Variants in DLGAP2 observed in about 807,000 individuals in gnomAD.
The protein encoded by DLGAP2 is disks large-associated protein 2.
DLGAP2 carries 26 observed loss-of-function variants against 100.3 expected under a neutral mutation model. That is an observed-to-expected ratio of 0.26 (90% confidence interval 0.19 to 0.36). The LOEUF is 0.36. Among genes scored for constraint, DLGAP2 ranks in the 10% least tolerant of loss-of-function variants. The pLI is 1.00. For synonymous variants in DLGAP2, 886 were observed against 630.1 expected, an observed-to-expected ratio of 1.41 and a Z score of -6.08; for missense variants, 1,858 against 1,453.2, an observed-to-expected ratio of 1.28 and a Z score of -4.53.
chr8:1,615,662 A>G (rs755938818), intron 6 of DLGAP2, among the ~76,000 whole-genome samples: 6 of 151,438 alleles, frequency 4.0e-5, no homozygotes, highest in Non-Finnish European at 8.8e-5. Flanking sequence ...TGAATGATAT[A>G]AAAATGTTAG....
chr8:1,379,962 G>T (rs1211265769), intron 3 of DLGAP2, among the ~76,000 whole-genome samples: 1 of 151,360 alleles, frequency 6.6e-6, no homozygotes, highest in Non-Finnish European at 1.5e-5. Context: ...CTCGGTGGGG[G>T]CCTGCTCTTT....
intron 2 of DLGAP2, among the ~76,000 whole-genome samples, chr8:1,025,203 A>G (rs2129026043): frequency 6.6e-6 from 1 of 152,218 alleles, no homozygotes; most frequent in East Asian, 1.9e-4. Context: ...TTGCCCTAGA[A>G]CATTCTTAAA....
intron 3 of DLGAP2, among the ~76,000 whole-genome samples, chr8:1,407,613 AGAGT>A (rs1796603714): frequency 1.4e-4 from 7 of 51,578 alleles, no homozygotes; most frequent in South Asian, 1.8e-3. Context: ...CTCATCCTCC[AGAGT>A]CGTGTATTGA....
intron 2 of DLGAP2, among the ~76,000 whole-genome samples, chr8:1,171,676 A>G (rs528390643): frequency 3.3e-5 from 5 of 152,154 alleles, no homozygotes; most frequent in Admixed American, 2.0e-4. Flanking sequence ...TTGGTTTAAA[A>G]TCTGTTTTAT....
At chr8:808,260 T>G (rs975951514) in intron 1 of DLGAP2, among the ~76,000 whole-genome samples, 1 of 152,188 alleles carries the variant, frequency 6.6e-6, no homozygotes, top group Non-Finnish European at 1.5e-5. Flanking sequence ...TACATGTGCA[T>G]GTAGCGGTGT....
chr8:907,256 G>A (rs1287449911), intron 1 of DLGAP2, among the ~76,000 whole-genome samples: 1 of 152,196 alleles, frequency 6.6e-6, no homozygotes, highest in Non-Finnish European at 1.5e-5. Context: ...CTCTAATTGA[G>A]TTTAGAAAAA....
intron 3 of DLGAP2, among the ~76,000 whole-genome samples, chr8:1,280,167 G>C (rs970125894): frequency 2.0e-5 from 3 of 152,092 alleles, no homozygotes; most frequent in Non-Finnish European, 4.4e-5. Context: ...CATTCCTGAT[G>C]GTTTTTCATT....
intron 1 of DLGAP2, among the ~76,000 whole-genome samples, chr8:800,190 G>T (rs752184573): frequency 6.6e-6 from 1 of 152,188 alleles, no homozygotes; most frequent in Non-Finnish European, 1.5e-5. Context: ...TGTGGGTCCT[G>T]CCAGGCTCCA....
intron 8 of DLGAP2, among the ~76,000 whole-genome samples, chr8:1,644,542 G>A (rs185536949): frequency 4.3e-4 from 65 of 152,328 alleles, no homozygotes; most frequent in Middle Eastern, 3.4e-3. Flanking sequence ...TCAAGGAAGC[G>A]GCAGAGACGC....
At chr8:1,061,037 C>T (rs1482246526) in intron 2 of DLGAP2, among the ~76,000 whole-genome samples, 1 of 152,294 alleles carries the variant, frequency 6.6e-6, no homozygotes, top group East Asian at 1.9e-4. Flanking sequence ...ATGGCAGTTC[C>T]CCCACGTGGG....
chr8:1,442,075 A>C (rs1252768804), intron 3 of DLGAP2, among the ~76,000 whole-genome samples: 1 of 152,228 alleles, frequency 6.6e-6, no homozygotes, highest in Non-Finnish European at 1.5e-5. Flanking sequence ...TAAACTCAGG[A>C]GCAACAGAGT....
intron 3 of DLGAP2, among the ~76,000 whole-genome samples, chr8:1,315,431 G>A (rs1383231219): frequency 4.2e-5 from 6 of 142,634 alleles, no homozygotes; most frequent in African/African-American, 8.2e-5. Context: ...AATAGAGCGT[G>A]TGCGAGTGCA....
chr8:739,119 C>G (rs1330299170), intron 1 of DLGAP2: 1 of 152,844 alleles, frequency 6.5e-6, no homozygotes, highest in African/African-American at 2.4e-5. Flanking sequence ...TGAATTTATC[C>G]TTCGTGTGGA....
chr8:1,077,790 C>A lies in DLGAP2; in HGVS notation c.73+169824C>A, dbSNP rs182778786. Among the ~76,000 whole-genome samples the A allele has an allele frequency of 4.6e-3, 702 of 152,334 alleles. 6 individuals are homozygous for A. Among genetic ancestry groups the A allele is most frequent in the Non-Finnish European group, 5.5e-3 (372 of 68,024 alleles). ...ATCTTGGCATAGTTTATCAAACTCC[C>A]CTTTTCCACAAGAAGATGCTAGCTT... On this transcript the variant is annotated intron_variant, in intron 2 of 14. Transcript: ENST00000637795.
At chr8:1,052,680 G>GT (rs1379977640) in intron 2 of DLGAP2, among the ~76,000 whole-genome samples, 1 of 152,124 alleles carries the variant, frequency 6.6e-6, no homozygotes, top group Non-Finnish European at 1.5e-5. Flanking sequence ...GGGGCAGTTT[G>GT]TTTTTTCTGG....
chr8:1,178,694 G>C (rs998254801), intron 2 of DLGAP2, among the ~76,000 whole-genome samples: 1 of 152,172 alleles, frequency 6.6e-6, no homozygotes, highest in Admixed American at 6.5e-5. Context: ...TGCACAAAAT[G>C]TAGAAGTTTT....
intron 3 of DLGAP2, among the ~76,000 whole-genome samples, chr8:1,383,130 A>T (rs1198529024): frequency 1.3e-5 from 2 of 152,248 alleles, no homozygotes; most frequent in Non-Finnish European, 2.9e-5. Flanking sequence ...TGCAGGGATC[A>T]TCCCCTTTAT....
intron 2 of DLGAP2, among the ~76,000 whole-genome samples, chr8:1,183,339 G>C (rs1016487229): frequency 3.9e-5 from 6 of 152,170 alleles, no homozygotes; most frequent in African/African-American, 1.4e-4. Flanking sequence ...TTTGTAATTA[G>C]CCTAGCAATT....
intron 2 of DLGAP2, among the ~76,000 whole-genome samples, chr8:1,255,466 C>T (rs1417735925): frequency 3.6e-5 from 5 of 137,288 alleles, no homozygotes; most frequent in African/African-American, 5.5e-5. Context: ...TCCTCTCTTG[C>T]CTGGGTGCTG....
Sources: gnomAD v4.1 joint callset for allele counts (sites outside exome capture counted in the v4.1 genomes callset) on GRCh38, gnomAD v4.1.1 for gene constraint, MANE v1.5 for transcripts, NCBI Gene and HGNC (gene_info 2026-07-23, HGNC 2026-07-21) for gene names.